MOGS: variants seen among roughly 807,000 people sequenced by gnomAD.
MOGS encodes the protein epididymis secretory sperm binding protein.
In MOGS, 45 loss-of-function variants were observed where a neutral mutation model predicts 68.5. The observed-to-expected ratio is 0.66, with a 90% CI of 0.52 to 0.84. The LOEUF is 0.84. Ranked by LOEUF, MOGS falls within the 40% of genes least tolerant of loss-of-function variation. The pLI, the probability that MOGS is intolerant of heterozygous loss-of-function variation, is 0.00. For missense variants in MOGS, 1,020 were observed against 1,095.0 expected (o/e 0.93, Z 0.97); for synonymous variants, 492 against 461.2 (o/e 1.07, Z -0.86).
Position 74,464,961 on chromosome 2 carries a change from C to T in MOGS, c.287G>A (p.Trp96Ter), listed in dbSNP as rs781577192. Residue 96 changes from tryptophan (W) to a stop codon, truncating the protein, a stop_gained, in exon 1 of 4, where the codon TGG becomes TAG. Coordinates refer to ENST00000448666, the MANE Select transcript of MOGS (RefSeq NM_006302.3). LOFTEE classifies it high-confidence loss of function. The stretch of plus-strand genomic sequence containing the variant: ...GTAGACGTGAGGGCGGTAGGTTCCC[C>T]AGAAGAGGTCCGGGGCCACGGCGGG... ...SSPAVAPDLF[W>*]GTYRPHVYFG... 6.3e-7 allele frequency: 1 copy of T among 1,587,216 alleles called. No homozygotes were observed. The highest frequency in any genetic ancestry group is 1.8e-5 in the Admixed American group (1 of 55,946).
At position 74,461,714 on chromosome 2, in the gene MOGS, A is replaced by T; in HGVS notation, c.2075T>A (p.Val692Asp). The change falls in exon 4 of 4, where the codon GTC becomes GAC. Residue 692 changes from valine to aspartate, a missense_variant. Transcript: ENST00000448666. ...QLQYVDALGY[V>D]SLFPLLLRLL... ...TCGCAGCAGCAAGGGAAAAAGACTG[A>T]CATAGCCAAGAGCATCTACATACTG... is the stretch of plus-strand genomic sequence containing the variant. 6.2e-7 allele frequency: 1 copy of T among 1,614,220 alleles called. No homozygotes were observed. The highest frequency in any genetic ancestry group is 8.5e-7 in the Non-Finnish European group (1 of 1,180,046).
chr2:74,461,662 A>G lies in MOGS; in HGVS notation c.2127T>C (p.Leu709=), dbSNP rs1464106473. ...LRLLDPTSSR[L]GPLLDILADS... is the part of the protein sequence containing the mutation. ...CGGCTAGAATGTCCAGCAGGGGCCCAAGGCGGGATGAGGTGGGGTCCAGCA... is the reference window on the plus strand; with the variant it reads ...CGGCTAGAATGTCCAGCAGGGGCCCGAGGCGGGATGAGGTGGGGTCCAGCA... The change falls in exon 4 of 4, where the codon CTT becomes CTC. Residue 709 remains leucine (L), a synonymous_variant. Coordinates refer to ENST00000448666, the MANE Select transcript of MOGS (RefSeq NM_006302.3). 4 of 1,614,062 alleles carry G rather than the reference A, an allele frequency of 2.5e-6. No homozygotes were observed. Among genetic ancestry groups the G allele is most frequent in the African/African-American group, 2.7e-5 (2 of 74,930 alleles).
chr2:74,465,111 A>G lies in MOGS; in HGVS notation c.137T>C (p.Leu46Pro). ...GPRSTAGGVALAVVVLSLALG... is the reference protein window; with the variant it reads ...GPRSTAGGVAPAVVVLSLALG... ...GGCCAAAGACAGGACCACGACGGCCAGAGCCACTCCTCCAGCCGTGCTACG... is the reference window on the plus strand; with the variant it reads ...GGCCAAAGACAGGACCACGACGGCCGGAGCCACTCCTCCAGCCGTGCTACG... The change falls in exon 1 of 4, where the codon CTG becomes CCG. Residue 46 changes from leucine (L) to proline (P), a missense_variant. Leu to Pro is a moderately conservative substitution (Grantham distance 98). Coordinates refer to ENST00000448666, the MANE Select transcript of MOGS (RefSeq NM_006302.3). 1 of 1,544,932 alleles carries G rather than the reference A, an allele frequency of 6.5e-7. No individual in the cohort carries two copies. Among genetic ancestry groups the G allele is most frequent in the Admixed American group, 1.9e-5 (1 of 51,388 alleles).
chr2:74,463,486 G>T (rs149452141), intron 2 of MOGS, 100 bp from the exon 3 acceptor site: 14 of 1,270,092 alleles, frequency 1.1e-5, no homozygotes, highest in Non-Finnish European at 1.6e-5. Context: ...GGAACAGTAG[G>T]CAGGGGTAAT....
At position 74,462,278 on chromosome 2, in the gene MOGS, A is replaced by G; in HGVS notation, c.1511T>C (p.Val504Ala). 2 of 1,613,876 alleles carry G rather than the reference A, an allele frequency of 1.2e-6. No individual in the cohort carries two copies. Among genetic ancestry groups the G allele is most frequent in the Non-Finnish European group, 1.7e-6 (2 of 1,179,994 alleles). ...GGGGTTGGCGTGGACTGCTCGTTGTACTAGGAATTCTGGAGGCACCCGGGC... is the reference window on the plus strand; with the variant it reads ...GGGGTTGGCGTGGACTGCTCGTTGTGCTAGGAATTCTGGAGGCACCCGGGC... ...ARARVPPEFL[V>A]QRAVHANPPT... is the part of the protein sequence containing the mutation. The change falls in exon 4 of 4, where the codon GTA (valine) becomes GCA (alanine). Residue 504 changes from valine (V) to alanine (A), a missense_variant. Coordinates refer to ENST00000448666, the MANE Select transcript of MOGS (RefSeq NM_006302.3).
Position 74,461,493 on chromosome 2 carries a change from G to A in MOGS, c.2296C>T (p.Leu766Phe), listed in dbSNP as rs1293866319. The change falls in exon 4 of 4, where the codon CTC (leucine) becomes TTC (phenylalanine). Residue 766 changes from leucine to phenylalanine, a missense_variant. By Grantham distance (22) the Leu-to-Phe change is conservative. This residue lies in a region of MOGS where 270 missense variants were observed against 261.3 expected (regional missense o/e 1.03). Coordinates refer to ENST00000448666, the MANE Select transcript of MOGS (RefSeq NM_006302.3). The stretch of plus-strand genomic sequence containing the variant: ...CCCTCCAGATGCCCATAGTGGTGGA[G>A]TGCTCCCAAAGCCAGGTAGTTGACA... The part of the protein sequence containing the change: ...LNVNYLALGA[L>F]HHYGHLEGPH... 1 of 1,614,074 alleles carries A rather than the reference G, an allele frequency of 6.2e-7. No homozygotes were observed. Among genetic ancestry groups the A allele is most frequent in the South Asian group, 1.1e-5 (1 of 91,084 alleles).
rs185811365 is a variant in MOGS, at chr2:74,464,091, C to T, written c.579+405G>A. ...TCTCCTGCCTCAGCCTCCCAAGTAG[C>T]TTGGATCACAGGCATGCGCCACCAC... On this transcript the variant is annotated intron_variant, in intron 2 of 3. Coordinates refer to ENST00000448666, the MANE Select transcript of MOGS (RefSeq NM_006302.3). Among the ~76,000 whole-genome samples the T allele has an allele frequency of 4.8e-3, 725 of 152,018 alleles. 9 individuals carry two copies. Among genetic ancestry groups the T allele is most frequent in the African/African-American group, 0.016 (672 of 41,344 alleles).
At chr2:74,463,411 A>C (rs1465729004) in intron 2 of MOGS, 25 bp from the exon 3 acceptor site, 1 of 1,608,258 alleles carries the variant, frequency 6.2e-7, no homozygotes, top group African/African-American at 1.3e-5. Context: ...AGGACAGAAA[A>C]GAACAGTGTT....
At position 74,462,636 on chromosome 2, in the gene MOGS, A is replaced by G. The variant is rs1225737728; in HGVS notation, c.1153T>C (p.Ser385Pro). The change falls in exon 4 of 4, where the codon TCT becomes CCT. Residue 385 changes from serine (S) to proline (P), a missense_variant. Transcript: ENST00000448666. ...TFQLKEKGLS[S>P]GEQVLGQAAL... ...GCCTGACCCAAAACCTGCTCGCCAG[A>G]GCTCAGGCCCTTCTCCTTCAGCTGG... The G allele has an allele frequency of 3.1e-6, 5 of 1,614,222 alleles. No homozygotes were observed. The highest frequency in any genetic ancestry group is 3.4e-6 in the Non-Finnish European group (4 of 1,180,038).
At position 74,461,907 on chromosome 2, in the gene MOGS, C is replaced by G. The variant is rs1671921256; in HGVS notation, c.1882G>C (p.Gly628Arg). 1 of 1,614,068 alleles carries G rather than the reference C, an allele frequency of 6.2e-7. No homozygotes were observed. The highest frequency in any genetic ancestry group is 8.5e-7 in the Non-Finnish European group (1 of 1,180,010). ...LGEAEVAAEL[G>R]PLAASLEAAE... Reference sequence around the variant, plus strand: ...GCCTCCAGTGAGGCAGCCAGTGGGCCCAGCTCAGCAGCTACCTCAGCCTCA... The same window carrying G: ...GCCTCCAGTGAGGCAGCCAGTGGGCGCAGCTCAGCAGCTACCTCAGCCTCA... Residue 628 changes from glycine (G) to arginine (R), a missense_variant, in exon 4 of 4, where the codon GGC (glycine) becomes CGC (arginine). By Grantham distance (125) the Gly-to-Arg change is moderately radical. Coordinates refer to ENST00000448666, the MANE Select transcript of MOGS (RefSeq NM_006302.3).
Position 74,461,644 on chromosome 2 carries a change from A to G in MOGS, c.2145T>C (p.Ile715=). Residue 715 remains isoleucine, a synonymous_variant, in exon 4 of 4, where the codon ATT becomes ATC. Transcript: ENST00000448666. The part of the protein sequence containing the change: ...TSSRLGPLLD[I]LADSRHLWSP... ...TCCAGAGATGGCGGCTGTCGGCTAG[A>G]ATGTCCAGCAGGGGCCCAAGGCGGG... 6.2e-7 allele frequency: 1 copy of G among 1,614,174 alleles called. No individual in the cohort carries two copies. The highest frequency in any genetic ancestry group is 8.5e-7 in the Non-Finnish European group (1 of 1,180,018).
Position 74,462,785 on chromosome 2 carries a change from A to G in MOGS, c.1004T>C (p.Val335Ala), listed in dbSNP as rs769788871. The G allele has an allele frequency of 1.9e-6, 3 of 1,614,092 alleles. No homozygotes were observed. The highest frequency in any genetic ancestry group is 2.7e-5 in the African/African-American group (2 of 74,942). Reference protein sequence around the residue: ...TLKIPISIEFVFESGSAQAGG... With the variant: ...TLKIPISIEFAFESGSAQAGG... ...TGCCTGGGCACTGCCTGATTCAAACACAAACTCTATGGAAATGGGAATTTT... is the reference window on the plus strand; with the variant it reads ...TGCCTGGGCACTGCCTGATTCAAACGCAAACTCTATGGAAATGGGAATTTT... The change falls in exon 4 of 4, where the codon GTG (valine) becomes GCG (alanine). Residue 335 changes from valine to alanine, a missense_variant. By Grantham distance (64) the Val-to-Ala change is moderately conservative (BLOSUM62 0). This residue lies in a region of MOGS where 569 missense variants were observed against 571.9 expected (regional missense o/e 0.99). Coordinates refer to ENST00000448666, the MANE Select transcript of MOGS (RefSeq NM_006302.3).
At chr2:74,463,813 G>A (rs188042257) in intron 2 of MOGS, among the ~76,000 whole-genome samples, 2,006 of 151,758 alleles carry the variant, frequency 0.013, 133 homozygotes, top group Admixed American at 0.1. Flanking sequence ...ATAGGCGCCC[G>A]CCACCACGCC....
rs759069705 is a variant in MOGS at position 74,464,941 on chromosome 2, C to T, written c.307G>A (p.Val103Ile). The T allele has an allele frequency of 3.1e-6, 5 of 1,600,248 alleles. No individual in the cohort carries two copies. Among genetic ancestry groups the T allele is most frequent in the Non-Finnish European group, 4.3e-6 (5 of 1,172,918 alleles). ...CTGCGGGTCTTCATGCCGAAGTAGA[C>T]GTGAGGGCGGTAGGTTCCCCAGAAG... ...DLFWGTYRPH[V>I]YFGMKTRSPK... Residue 103 changes from valine (V) to isoleucine (I), a missense_variant, in exon 1 of 4, where the codon GTC (valine) becomes ATC (isoleucine). Around this residue, in one of 3 missense-constraint regions of MOGS, gnomAD observed 569 missense variants for 571.9 expected, o/e 0.99. Transcript: ENST00000448666.
chr2:74,463,371 C>T lies in MOGS; in HGVS notation c.595G>A (p.Ala199Thr), dbSNP rs756108802. 22 of 1,614,044 alleles carry T rather than the reference C, an allele frequency of 1.4e-5. No individual in the cohort carries two copies. Among genetic ancestry groups the T allele is most frequent in the Non-Finnish European group, 1.8e-5 (21 of 1,180,042 alleles). The change falls in exon 3 of 4, where the codon GCC becomes ACC. Residue 199 changes from alanine to threonine, a missense_variant. By Grantham distance (58) the Ala-to-Thr change is moderately conservative. Transcript: ENST00000448666. ...AAGAACAGGGAGACCAAAGGGAGGG[C>T]AGAAGTACCTGAGTCCTGAGTGACC... ...TVEPQDSGTS[A>T]LPLVSLFFYV...
Position 74,461,890 on chromosome 2 carries a change from T to C in MOGS, c.1899A>G (p.Ser633=). 3.1e-6 allele frequency: 5 copies of C among 1,614,022 alleles called. No individual in the cohort carries two copies. The change falls in exon 4 of 4, where the codon TCA becomes TCG. Residue 633 remains serine, a synonymous_variant. Transcript: ENST00000448666. Reference sequence around the variant, plus strand: ...CATCCAGGCTCTCTGCTGCCTCCAGTGAGGCAGCCAGTGGGCCCAGCTCAG... The same window carrying C: ...CATCCAGGCTCTCTGCTGCCTCCAGCGAGGCAGCCAGTGGGCCCAGCTCAG... ...VAAELGPLAA[S]LEAAESLDEL...
At position 74,462,802 on chromosome 2, in the gene MOGS, G is replaced by A; in HGVS notation, c.987C>T (p.Pro329=). The A allele has an allele frequency of 6.2e-7, 1 of 1,614,236 alleles. No homozygotes were observed. Among genetic ancestry groups the A allele is most frequent in the Non-Finnish European group, 8.5e-7 (1 of 1,180,056 alleles). The change falls in exon 4 of 4, where the codon CCC becomes CCT. Residue 329 remains proline, a synonymous_variant. Coordinates refer to ENST00000448666, the MANE Select transcript of MOGS (RefSeq NM_006302.3). ...ATTCAAACACAAACTCTATGGAAAT[G>A]GGAATTTTCAGGGTCACCTGCTGTA... The part of the protein sequence containing the change: ...FLIQQVTLKI[P]ISIEFVFESG...
In MOGS at chr2:74,461,782, A is replaced by G; in HGVS notation, c.2007T>C (p.Pro669=). Residue 669 remains proline, a synonymous_variant, in exon 4 of 4, where the codon CCT becomes CCC. Transcript: ENST00000448666. The part of the protein sequence containing the change: ...TKAVQLKPRP[P]QGLVRVVGRP... The stretch of plus-strand genomic sequence containing the variant: ...GACCCACCACCCGAACGAGCCCCTG[A>G]GGGGGCCTGGGCTTCAGCTGTACTG... 6.2e-7 allele frequency: 1 copy of G among 1,614,160 alleles called. No individual in the cohort carries two copies. The highest frequency in any genetic ancestry group is 8.5e-7 in the Non-Finnish European group (1 of 1,180,024).
Position 74,462,750 on chromosome 2 carries a change from G to T in MOGS, c.1039C>A (p.Gln347Lys), listed in dbSNP as rs778176484. 23 of 1,614,126 alleles carry T rather than the reference G, an allele frequency of 1.4e-5. No homozygotes were observed. In the Admixed American group the frequency reaches 3.8e-4, roughly 27 times the overall value. ...CTGCCTGCCAGTCTTGGCAGGGCTT[G>T]ATTTCCTCCTGCCTGGGCACTGCCT... The part of the protein sequence containing the change: ...ESGSAQAGGN[Q>K]ALPRLAGSLL... The change falls in exon 4 of 4, where the codon CAA becomes AAA. Residue 347 changes from glutamine to lysine, a missense_variant. Transcript: ENST00000448666.
Sources: allele counts gnomAD v4.1 joint callset (sites outside exome capture counted in the v4.1 genomes callset), GRCh38; gene constraint gnomAD v4.1.1; regional missense constraint gnomAD v4.1.1; transcripts MANE v1.5; gene names NCBI Gene and HGNC (gene_info 2026-07-23, HGNC 2026-07-21).